FMN2: variants seen among roughly 807,000 people sequenced by gnomAD.
FMN2 encodes formin-2.
FMN2 carries 51 observed loss-of-function variants against 142.3 expected under a neutral mutation model. That is an observed-to-expected ratio of 0.36 (90% CI 0.29 to 0.45). The LOEUF is 0.45. FMN2 is among the 20% of genes least tolerant of loss of function. The pLI is 1.00. For synonymous variants in FMN2, 882 were observed against 869.8 expected, an observed-to-expected ratio of 1.01 and a Z score of -0.25; for missense variants, 1,936 against 2,122.8, an observed-to-expected ratio of 0.91 and a Z score of 1.73.
Position 240,355,987 on chromosome 1 carries a change from G to T in FMN2, c.4858+79G>T, listed in dbSNP as rs1176028565. ...AAAAAAAAAAAAAAAAAAAAAAAAA[G>T]CTACAAGGCATTGTTTAAAAAATAC... On this transcript the variant is annotated intron_variant, in intron 14 of 17. Transcript: ENST00000319653. 1.1e-5 allele frequency: 6 copies of T among 534,442 alleles called. No individual in the cohort carries two copies. In the South Asian group the frequency reaches 1.3e-4, roughly 12 times the overall value. 33.1% of individuals were successfully genotyped at this position (534,442 alleles called of 1,614,324 possible).
chr1:240,152,759 C>A (rs1203213188), intron 2 of FMN2, among the ~76,000 whole-genome samples: 1 of 152,216 alleles, frequency 6.6e-6, no homozygotes, highest in African/African-American at 2.4e-5. Flanking sequence ...CAGAGAGAAG[C>A]CTGCCACTGT....
intron 14 of FMN2, among the ~76,000 whole-genome samples, chr1:240,368,809 A>G (rs1558456917): frequency 1.3e-5 from 2 of 152,094 alleles, no homozygotes; most frequent in Admixed American, 6.6e-5. Flanking sequence ...AATTAACACA[A>G]ATTGATTGGA....
At chr1:240,415,334 G>A (rs192196239) in intron 15 of FMN2, among the ~76,000 whole-genome samples, 19 of 152,204 alleles carry the variant, frequency 1.2e-4, no homozygotes, top group Non-Finnish European at 2.5e-4. Context: ...GAGTTGAACA[G>A]TGAGAACTCA....
chr1:240,143,284 T>C, intron 2 of FMN2: 1 of 1,544,332 alleles, frequency 6.5e-7, no homozygotes, highest in Non-Finnish European at 9.0e-7. Context: ...AGGATGTTGA[T>C]TTGAAACAGA....
At chr1:240,226,322 C>T (rs915154191) in intron 6 of FMN2, among the ~76,000 whole-genome samples, 1 of 152,098 alleles carries the variant, frequency 6.6e-6, no homozygotes, top group African/African-American at 2.4e-5. Flanking sequence ...TACAAGGGAA[C>T]CCCAATAATA....
At chr1:240,254,696 C>T (rs1331237430) in intron 6 of FMN2, among the ~76,000 whole-genome samples, 6 of 152,002 alleles carry the variant, frequency 3.9e-5, no homozygotes, top group South Asian at 2.1e-4. Flanking sequence ...CTCCATATGG[C>T]GGCTGCAAGA....
chr1:240,259,444 A>T (rs966593920), intron 7 of FMN2, among the ~76,000 whole-genome samples: 1 of 150,828 alleles, frequency 6.6e-6, no homozygotes, highest in Non-Finnish European at 1.5e-5. Context: ...TTATCCCATT[A>T]GGATGTGAAG....
Position 240,168,975 on chromosome 1 carries a change from G to T in FMN2, c.1783-8946G>T, listed in dbSNP as rs187710897. On this transcript the variant is annotated intron_variant, in intron 2 of 17. Coordinates refer to ENST00000319653, the MANE Select transcript of FMN2 (RefSeq NM_020066.5). ...TGCCTGTAATCCCAACACTTTGAGA[G>T]GGCCAGGCAGGTGGATCATGAGGTC... Among the ~76,000 whole-genome samples the T allele has an allele frequency of 3.5e-4, 53 of 152,228 alleles. 2 individuals are homozygous for T. The highest frequency in any genetic ancestry group is 3.3e-3 in the Admixed American group (51 of 15,286).
intron 4 of FMN2, among the ~76,000 whole-genome samples, chr1:240,197,055 G>C (rs1339807690): frequency 6.6e-6 from 1 of 152,092 alleles, no homozygotes; most frequent in Non-Finnish European, 1.5e-5. Context: ...CTTCAGGATG[G>C]GGCTGGTCCA....
At chr1:240,267,714 A>C (rs1221971188) in intron 7 of FMN2, among the ~76,000 whole-genome samples, 1 of 152,100 alleles carries the variant, frequency 6.6e-6, no homozygotes, top group Admixed American at 6.6e-5. Flanking sequence ...TAATTGATAT[A>C]AACAAGAGTT....
In FMN2 at chr1:240,206,813, G is replaced by A. The variant is rs774416317; in HGVS notation, c.2001G>A (p.Met667Ile). The A allele has an allele frequency of 6.2e-7, 1 of 1,606,612 alleles. No individual in the cohort carries two copies. Among genetic ancestry groups the A allele is most frequent in the East Asian group, 2.2e-5 (1 of 44,656 alleles). ...TCGCCCTTCAGGAAGTTGTTGACAT[G>A]AAGTCTGAGGGACAGGCCACTGTAA... ...SDAVQKEVVDMKSEGQATVIQ... is the reference protein window; with the variant it reads ...SDAVQKEVVDIKSEGQATVIQ... The change falls in exon 5 of 18, where the codon ATG (methionine) becomes ATA (isoleucine). Residue 667 changes from methionine (M) to isoleucine (I), a missense_variant. Coordinates refer to ENST00000319653, the MANE Select transcript of FMN2 (RefSeq NM_020066.5).
intron 8 of FMN2, among the ~76,000 whole-genome samples, chr1:240,295,613 G>T (rs7529628): frequency 1.1e-4 from 16 of 151,980 alleles, no homozygotes; most frequent in Admixed American, 7.2e-4. Flanking sequence ...TTTTTTATGG[G>T]TGAATAATAT....
Position 240,099,556 on chromosome 1 carries a change from T to G in FMN2, c.1615+5832T>G, listed in dbSNP as rs534324309. Reference sequence around the variant, plus strand: ...GCATCTGGCTGCAAACCCCTGACTTTGCAGCTTTACCTTCCCACGGTCTCC... The same window carrying G: ...GCATCTGGCTGCAAACCCCTGACTTGGCAGCTTTACCTTCCCACGGTCTCC... On this transcript the variant is annotated intron_variant, in intron 1 of 17. Transcript: ENST00000319653. Among the ~76,000 whole-genome samples, 4 of 152,266 alleles carry G rather than the reference T, an allele frequency of 2.6e-5. No homozygotes were observed. The South Asian group carries it at 8.3e-4, about 32-fold the overall frequency.
chr1:240,246,276 T>G (rs1668081055), intron 6 of FMN2, among the ~76,000 whole-genome samples: 1 of 152,196 alleles, frequency 6.6e-6, no homozygotes, highest in African/African-American at 2.4e-5. Flanking sequence ...TGTCCGTAAC[T>G]TAGTCATATG....
intron 6 of FMN2, among the ~76,000 whole-genome samples, chr1:240,250,119 T>C (rs1340350378): frequency 1.3e-5 from 2 of 152,150 alleles, no homozygotes; most frequent in East Asian, 3.8e-4. Context: ...ATTCTAGCAC[T>C]ATGTTATGTT....
In FMN2 at chr1:240,208,600, T is replaced by G; in HGVS notation, c.3788T>G (p.Leu1263Arg). The G allele has an allele frequency of 2.5e-6, 4 of 1,613,912 alleles. No homozygotes were observed. The highest frequency in any genetic ancestry group is 3.4e-6 in the Non-Finnish European group (4 of 1,180,022). Residue 1263 changes from leucine (L) to arginine (R), a missense_variant, in exon 5 of 18, where the codon CTT (leucine) becomes CGT (arginine). Leu to Arg is a moderately radical substitution (Grantham distance 102). This residue lies in a region of FMN2 where 259 missense variants were observed against 230.9 expected (regional missense o/e 1.12). Transcript: ENST00000319653. The stretch of plus-strand genomic sequence containing the variant: ...CCAACCCCACAGGTGTGTGGATTTC[T>G]TCCTCCTCCATTGCCAAGTGGCTTG... ...TLPTPQVCGF[L>R]PPPLPSGLFG...
intron 8 of FMN2, among the ~76,000 whole-genome samples, chr1:240,305,283 C>T (rs1670346759): frequency 6.6e-6 from 1 of 152,086 alleles, no homozygotes; most frequent in Non-Finnish European, 1.5e-5. Context: ...CATTTCTTTT[C>T]ATTTAACATT....
At chr1:240,357,078 G>C (rs1458890620) in intron 14 of FMN2, among the ~76,000 whole-genome samples, 2 of 152,102 alleles carry the variant, frequency 1.3e-5, no homozygotes, top group Non-Finnish European at 2.9e-5. Context: ...GTGAATAAAA[G>C]TGAATCATGC....
At chr1:240,406,741 TAG>T (rs1053271000) in intron 15 of FMN2, among the ~76,000 whole-genome samples, 3 of 152,148 alleles carry the variant, frequency 2.0e-5, no homozygotes, top group African/African-American at 7.2e-5. Context: ...GGTTCCTAGA[TAG>T]GTAATATAAG....
Sources: gnomAD v4.1 joint callset for allele counts (sites outside exome capture counted in the v4.1 genomes callset) on GRCh38, gnomAD v4.1.1 for gene constraint, gnomAD v4.1.1 regional missense constraint, MANE v1.5 for transcripts, NCBI Gene and HGNC (gene_info 2026-07-23, HGNC 2026-07-21) for gene names.